Variants in RNPC3 observed in about 807,000 individuals in gnomAD.
The protein encoded by RNPC3 is RNA-binding region-containing protein 3.
Under a neutral mutation model 67.5 loss-of-function variants are expected in RNPC3, and 48 were observed. The observed-to-expected ratio is 0.71, with a 90% CI of 0.56 to 0.90. The LOEUF is 0.90. Among genes scored for constraint, RNPC3 ranks in the 40% least tolerant of loss-of-function variants. RNPC3 has a pLI of 0.00. For missense variants in RNPC3, 637 were observed against 626.1 expected, an observed-to-expected ratio of 1.02 and a Z score of -0.19; for synonymous variants, 239 against 210.3, an observed-to-expected ratio of 1.14 and a Z score of -1.18.
intron 8 of RNPC3, among the ~76,000 whole-genome samples, chr1:103,541,789 G>A (rs996841388): frequency 6.6e-6 from 1 of 151,594 alleles, no homozygotes; most frequent in Non-Finnish European, 1.5e-5. Context: ...CTTTCTCCTC[G>A]TGCATTTACA....
intron 2 of RNPC3, among the ~76,000 whole-genome samples, chr1:103,529,556 A>G (rs1385925346): frequency 6.6e-6 from 1 of 152,204 alleles, no homozygotes; most frequent in Non-Finnish European, 1.5e-5. Flanking sequence ...AGGAGTTAAC[A>G]TTAAAAATGA....
Position 103,551,026 on chromosome 1 carries a change from T to A in RNPC3, c.1447T>A (p.Leu483Ile), listed in dbSNP as rs1651375203. The A allele has an allele frequency of 6.2e-7, 1 of 1,612,648 alleles. No individual in the cohort carries two copies. Residue 483 changes from leucine (L) to isoleucine (I), a missense_variant, in exon 13 of 15, where the codon TTA becomes ATA. Around this residue, in one of 3 missense-constraint regions of RNPC3, gnomAD observed 96 missense variants for 105.8 expected, o/e 0.91. Coordinates refer to ENST00000423855, the MANE Select transcript of RNPC3 (RefSeq NM_017619.4). The part of the protein sequence containing the change: ...LPNEKAAAKA[L>I]KEANGYVLFG... ...TAATGAAAAAGCAGCAGCAAAAGCCTTAAAGGAAGCTAATGGATATGTGCT... is the reference window on the plus strand; with the variant it reads ...TAATGAAAAAGCAGCAGCAAAAGCCATAAAGGAAGCTAATGGATATGTGCT...
Position 103,538,719 on chromosome 1 carries a change from T to C in RNPC3, c.767+1235T>C, listed in dbSNP as rs918476933. Among the ~76,000 whole-genome samples, 4 of 152,238 alleles carry C rather than the reference T, an allele frequency of 2.6e-5. No homozygotes were observed. In the East Asian group the frequency reaches 7.7e-4, roughly 29 times the overall value. ...ATGTTCATGTTTTGACAGATGCTTA[T>C]TCTTCTGGACTCTACTTACCTCAGA... On this transcript the variant is annotated intron_variant, in intron 7 of 14. Transcript: ENST00000423855.
chr1:103,534,649 G>GTTTT, intron 3 of RNPC3, 125 bp from the exon 4 acceptor site: 23 of 514,940 alleles, frequency 4.5e-5, no homozygotes, highest in South Asian at 1.2e-4. Context: ...ATACTTGAAA[G>GTTTT]TTTTTTTTTT....
rs568315042 is a variant in RNPC3, at chr1:103,546,340, A to G, written c.1300A>G (p.Lys434Glu). ...GAATTTAGCTAAACATGTTCAAGAA[A>G]AGGTAGGTATAAATTGATTTTTTTT... ...VKNLAKHVQE[K>E]DLKYIFGRYV... The change falls in exon 11 of 15, where the codon AAG becomes GAG. Residue 434 changes from lysine to glutamate, a missense_variant and splice_region_variant. Transcript: ENST00000423855. 2 of 1,400,292 alleles carry G rather than the reference A, an allele frequency of 1.4e-6. No individual in the cohort carries two copies. The highest frequency in any genetic ancestry group is 2.9e-5 in the African/African-American group (2 of 68,296). 86.7% of individuals were successfully genotyped at this position (1,400,292 alleles called of 1,614,324 possible).
chr1:103,526,056 G>T lies in RNPC3; in HGVS notation c.-15G>T. On this transcript the variant is annotated 5_prime_UTR_variant, in exon 1 of 15. Transcript: ENST00000423855. ...ACTTCTTCCCACGATTTCTGTTTTT[G>T]CTTCTCCAAGGAAAATGGCAGCTCC... 1 of 1,504,990 alleles carries T rather than the reference G, an allele frequency of 6.6e-7. No individual in the cohort carries two copies. The highest frequency in any genetic ancestry group is 1.2e-5 in the South Asian group (1 of 80,406). 93.2% of individuals were successfully genotyped at this position (1,504,990 alleles called of 1,614,324 possible). A position where few individuals can be genotyped will look rare whatever the true frequency, so the allele number is the denominator to read the frequency against.
chr1:103,546,698 G>T (rs1331186100), intron 11 of RNPC3: 13 of 364,988 alleles, frequency 3.6e-5, no homozygotes, highest in Non-Finnish European at 5.8e-5. Flanking sequence ...GATCTGTTCT[G>T]TGCCTCTCCC....
Position 103,526,140 on chromosome 1 carries a change from C to T in RNPC3, c.70C>T (p.Arg24Trp), listed in dbSNP as rs548979249. The change falls in exon 1 of 15, where the codon CGG becomes TGG. Residue 24 changes from arginine to tryptophan, a missense_variant. Coordinates refer to ENST00000423855, the MANE Select transcript of RNPC3 (RefSeq NM_017619.4). The stretch of plus-strand genomic sequence containing the variant: ...GAGCTCCTCCTCGCTTTCCCCGCCT[C>T]GGGGCGACCGAACCCTTCTGGTCAG... The part of the protein sequence containing the change: ...CTSSSSLSPP[R>W]GDRTLLVRHL... The T allele has an allele frequency of 1.2e-4, 185 of 1,551,416 alleles. No individual in the cohort carries two copies. Among genetic ancestry groups the T allele is most frequent in the Non-Finnish European group, 1.4e-4 (160 of 1,146,864 alleles).
chr1:103,527,632 C>CA, intron 1 of RNPC3, 63 bp from the exon 2 acceptor site: 1 of 1,295,508 alleles, frequency 7.7e-7, no homozygotes, highest in Non-Finnish European at 1.1e-6. Context: ...GGTAAAAAGT[C>CA]AGATTTCTTT....
chr1:103,538,707 G>C (rs1651052525), intron 7 of RNPC3, among the ~76,000 whole-genome samples: 1 of 152,116 alleles, frequency 6.6e-6, no homozygotes, highest in African/African-American at 2.4e-5. Flanking sequence ...TTCATGTTTT[G>C]ACAGATGCTT....
chr1:103,531,819 G>C (rs1159088441), intron 2 of RNPC3, among the ~76,000 whole-genome samples: 2 of 152,036 alleles, frequency 1.3e-5, no homozygotes, highest in South Asian at 4.1e-4. Context: ...CTGTGCAGAA[G>C]CTTTTTAGTT....
chr1:103,531,017 C>G (rs1650836679), intron 2 of RNPC3, among the ~76,000 whole-genome samples: 1 of 152,192 alleles, frequency 6.6e-6, no homozygotes, highest in Admixed American at 6.5e-5. Context: ...TCTCCTGAGT[C>G]CTCAAAGTCC....
intron 9 of RNPC3, among the ~76,000 whole-genome samples, chr1:103,543,718 A>G (rs1191325549): frequency 6.6e-6 from 1 of 151,700 alleles, no homozygotes; most frequent in Non-Finnish European, 1.5e-5. Flanking sequence ...CTAAAAATAT[A>G]ATGGAGTTTC....
Position 103,537,440 on chromosome 1 carries a change from T to C in RNPC3, c.723T>C (p.Ser241=). 6.5e-7 allele frequency: 1 copy of C among 1,536,774 alleles called. No individual in the cohort carries two copies. The highest frequency in any genetic ancestry group is 8.7e-7 in the Non-Finnish European group (1 of 1,146,670). Reference sequence around the variant, plus strand: ...CAGACGAGGATGAGGAATTATCTAGTGAAGAATCAGAATATGAAAGCACTG... The same window carrying C: ...CAGACGAGGATGAGGAATTATCTAGCGAAGAATCAGAATATGAAAGCACTG... ...PLPDEDEELS[S]EESEYESTDD... is the part of the protein sequence containing the mutation. Residue 241 remains serine, a synonymous_variant, in exon 7 of 15, where the codon AGT becomes AGC. Transcript: ENST00000423855.
chr1:103,549,935 G>C (rs773776522), intron 12 of RNPC3, among the ~76,000 whole-genome samples: 7 of 145,200 alleles, frequency 4.8e-5, no homozygotes, highest in Non-Finnish European at 8.8e-5. Flanking sequence ...GGCCGAAGCG[G>C]GGGGGATCAC....
Position 103,525,845 on chromosome 1 carries a change from T to C in RNPC3, c.-226T>C. 2.1e-6 allele frequency: 1 copy of C among 482,856 alleles called. No individual in the cohort carries two copies. 29.9% of individuals were successfully genotyped at this position (482,856 alleles called of 1,614,324 possible). ...GCTTGTAAGTCTTTCCGGAGACCCC[T>C]GGAATTTAAATCATTAGCACCGCGC... On this transcript the variant is annotated 5_prime_UTR_variant, in exon 1 of 15. Coordinates refer to ENST00000423855, the MANE Select transcript of RNPC3 (RefSeq NM_017619.4).
chr1:103,547,262 C>A (rs1441702026), intron 12 of RNPC3, among the ~76,000 whole-genome samples: 4 of 152,062 alleles, frequency 2.6e-5, no homozygotes, highest in Admixed American at 6.6e-5. Flanking sequence ...TATTGCAGAC[C>A]ATACAGTGTC....
intron 6 of RNPC3, 85 bp downstream of exon 6, chr1:103,536,279 A>C (rs996926482): frequency 3.4e-6 from 3 of 876,400 alleles, no homozygotes; most frequent in Non-Finnish European, 5.5e-6. Flanking sequence ...TGTTGTAGCA[A>C]CCTCTGATGT....
At chr1:103,551,977 T>A (rs942804021) in intron 14 of RNPC3, 185 bp downstream of exon 14, 16 of 412,924 alleles carry the variant, frequency 3.9e-5, no homozygotes, top group Admixed American at 1.3e-4. Flanking sequence ...CATTTATATG[T>A]GAAAATTAAG....
Sources: allele counts gnomAD v4.1 joint callset (sites outside exome capture counted in the v4.1 genomes callset), GRCh38; gene constraint gnomAD v4.1.1; regional missense constraint gnomAD v4.1.1; transcripts MANE v1.5; gene names NCBI Gene and HGNC (gene_info 2026-07-23, HGNC 2026-07-21).